The following SETD2 variants were observed in gnomAD, a reference collection of about 807,000 sequenced individuals.
SETD2 encodes the protein SET domain containing 2, histone lysine methyltransferase.
Under a neutral mutation model 242.1 loss-of-function variants are expected in SETD2, and 31 were observed. The observed-to-expected ratio is 0.13, with a 90% CI of 0.10 to 0.17. SETD2 has a LOEUF of 0.17. Among genes scored for constraint, SETD2 ranks in the 10% least tolerant of loss-of-function variants. The probability of loss-of-function intolerance (pLI) is 1.00; values close to 1 mark genes in which losing one functional copy is unlikely to be tolerated. For missense variants in SETD2, 2,481 were observed against 3,046.3 expected, an observed-to-expected ratio of 0.81 and a Z score of 4.37; for synonymous variants, 1,006 against 1,066.5, an observed-to-expected ratio of 0.94 and a Z score of 1.11.
chr3:47,101,395 C>T (rs2107682313), intron 8 of SETD2, 63 bp downstream of exon 8: 1 of 829,228 alleles, frequency 1.2e-6, no homozygotes, highest in Non-Finnish European at 2.0e-6. Context: ...AGTTTTATAT[C>T]CTTATATCTG....
chr3:47,111,142 A>G (rs943134005), intron 5 of SETD2, among the ~76,000 whole-genome samples: 2 of 150,750 alleles, frequency 1.3e-5, no homozygotes, highest in African/African-American at 2.4e-5. Context: ...CTAGGGCAGA[A>G]TGAAAGAAGG....
intron 16 of SETD2, among the ~76,000 whole-genome samples, chr3:47,044,470 T>C (rs2039431755): frequency 2.7e-5 from 4 of 149,860 alleles, no homozygotes; most frequent in Non-Finnish European, 4.4e-5. Context: ...ATTTCACATA[T>C]AGTATTTTTA....
intron 15 of SETD2, among the ~76,000 whole-genome samples, chr3:47,049,301 CTAAATATA>C (rs1559663710): frequency 1.5e-5 from 1 of 64,966 alleles, no homozygotes; most frequent in Non-Finnish European, 3.0e-5. Context: ...AATAAGTTTT[CTAAATATA>C]TATATATATA....
chr3:47,136,097 T>C (rs1198234822), intron 1 of SETD2, among the ~76,000 whole-genome samples: 4 of 152,168 alleles, frequency 2.6e-5, no homozygotes, highest in Non-Finnish European at 5.9e-5. Context: ...AAAATTGAAC[T>C]GATGACGATT....
At chr3:47,151,473 A>C (rs1010341479) in intron 1 of SETD2, among the ~76,000 whole-genome samples, 8 of 152,218 alleles carry the variant, frequency 5.3e-5, no homozygotes, top group Non-Finnish European at 1.0e-4. Context: ...ACTGGAAAAA[A>C]AGTCCTATCA....
chr3:47,152,409 C>G (rs1415911770), intron 1 of SETD2, among the ~76,000 whole-genome samples: 1 of 152,200 alleles, frequency 6.6e-6, no homozygotes, highest in Non-Finnish European at 1.5e-5. Context: ...TCAACCAGGT[C>G]TGTGTGTGCT....
intron 1 of SETD2, among the ~76,000 whole-genome samples, chr3:47,140,276 A>T (rs1176743956): frequency 6.6e-6 from 1 of 152,174 alleles, no homozygotes; most frequent in Non-Finnish European, 1.5e-5. Flanking sequence ...ATACCTACCT[A>T]AAGTGAATGA....
At chr3:47,101,685 T>C (rs1187770446) in intron 7 of SETD2, 130 bp from the exon 8 acceptor site, 5 of 531,806 alleles carry the variant, frequency 9.4e-6, no homozygotes, top group East Asian at 3.0e-5. Flanking sequence ...AGTGGGTCTT[T>C]AGGCAATGAA....
chr3:47,032,644 G>GCT (rs1286759862), intron 18 of SETD2, among the ~76,000 whole-genome samples: 1 of 152,112 alleles, frequency 6.6e-6, no homozygotes, highest in Non-Finnish European at 1.5e-5. Flanking sequence ...GGGCACGGTG[G>GCT]CTCACACCTA....
At chr3:47,155,518 A>T (rs1417952536) in intron 1 of SETD2, among the ~76,000 whole-genome samples, 1 of 152,214 alleles carries the variant, frequency 6.6e-6, no homozygotes, top group Non-Finnish European at 1.5e-5. Flanking sequence ...TTTTCAAAAT[A>T]AAAAGTGTTT....
chr3:47,153,758 G>GA (rs200188709), intron 1 of SETD2, among the ~76,000 whole-genome samples: 1,384 of 107,144 alleles, frequency 0.013, 11 homozygotes, highest in African/African-American at 0.039. Context: ...ATCCAAAAAA[G>GA]AAAAAAAAAA....
chr3:47,125,801 G>A (rs1400122306), intron 2 of SETD2, among the ~76,000 whole-genome samples: 1 of 152,202 alleles, frequency 6.6e-6, no homozygotes, highest in Non-Finnish European at 1.5e-5. Context: ...TGTACAAAGA[G>A]CATCAGAAAA....
intron 15 of SETD2, chr3:47,047,047 A>G (rs745541468): frequency 2.3e-4 from 35 of 153,516 alleles, no homozygotes; most frequent in Admixed American, 1.0e-3. Flanking sequence ...TTGTAATAAC[A>G]AACAGGTTGT....
rs777546161 is a variant in SETD2, at chr3:47,158,782, C to T, written c.71+5072G>A. Among the ~76,000 whole-genome samples, 38 of 152,238 alleles carry T rather than the reference C, an allele frequency of 2.5e-4. No homozygotes were observed. The Middle Eastern group carries it at 0.01, about 41-fold the overall frequency. Reference sequence around the variant, plus strand: ...CCCATGTTTGATCAAGAGTCACCTGCATATTTTATTATTAAAATATCTGAT... The same window carrying T: ...CCCATGTTTGATCAAGAGTCACCTGTATATTTTATTATTAAAATATCTGAT... On this transcript the variant is annotated intron_variant, in intron 1 of 20. Coordinates refer to ENST00000409792, the MANE Select transcript of SETD2 (RefSeq NM_014159.7).
In SETD2 at chr3:47,017,774, A is replaced by C. The variant is rs1363501818; in HGVS notation, c.7432-35T>G. ...GAGAAAAGAGAACACGTTGCTCAAC[A>C]GTCCAGAGAGGGCAAGGAGTTGTAC... On this transcript the variant is annotated intron_variant, in intron 19 of 20. Coordinates refer to ENST00000409792, the MANE Select transcript of SETD2 (RefSeq NM_014159.7). The surrounding 1 kb of genome is among the most constrained non-coding windows in gnomAD (Gnocchi z 4.8). 6.9e-7 allele frequency: 1 copy of C among 1,442,586 alleles called. No individual in the cohort carries two copies. The highest frequency in any genetic ancestry group is 9.8e-7 in the Non-Finnish European group (1 of 1,023,644). 89.4% of individuals were successfully genotyped at this position (1,442,586 alleles called of 1,614,324 possible). A position where few individuals can be genotyped will look rare whatever the true frequency, so the allele number is the denominator to read the frequency against.
At chr3:47,073,058 G>A (rs1385582112) in intron 12 of SETD2, among the ~76,000 whole-genome samples, 4 of 151,884 alleles carry the variant, frequency 2.6e-5, no homozygotes, top group Non-Finnish European at 5.9e-5. Context: ...GTTGAGGCAG[G>A]TGGAGCTCTT....
At chr3:47,067,581 A>AT (rs896873796) in intron 12 of SETD2, among the ~76,000 whole-genome samples, 43 of 151,764 alleles carry the variant, frequency 2.8e-4, no homozygotes, top group African/African-American at 1.0e-3. Flanking sequence ...TGCCCCGCTA[A>AT]TTTTTTCTAT....
intron 15 of SETD2, among the ~76,000 whole-genome samples, chr3:47,053,340 G>A (rs2039929994): frequency 6.6e-6 from 1 of 152,102 alleles, no homozygotes; most frequent in South Asian, 2.1e-4. Flanking sequence ...TACTATGTCA[G>A]TGCAAAAGTA....
rs1305535313 is a variant in SETD2, at chr3:47,041,636, TACACACACACACACACAGAG to T, written c.7238+905_7238+924del. 4.6e-5 allele frequency among the ~76,000 whole-genome samples: 7 copies of T among 151,130 alleles called. 1 individual carries two copies. The highest frequency in any genetic ancestry group is 2.1e-4 in the South Asian group (1 of 4,794). On this transcript the variant is annotated intron_variant, in intron 17 of 20. Coordinates refer to ENST00000409792, the MANE Select transcript of SETD2 (RefSeq NM_014159.7). ...AAGATTATATAGATGGGTGTATATATACACACACACACACACAGAGACACACACACACAAAGTACATATAC... is the reference window on the plus strand; with the variant it reads ...AAGATTATATAGATGGGTGTATATATACACACACACACAAAGTACATATAC...
Sources: gnomAD v4.1 joint callset for allele counts (sites outside exome capture counted in the v4.1 genomes callset) on GRCh38, gnomAD v4.1.1 for gene constraint, Gnocchi (gnomAD v3.1) non-coding constraint, MANE v1.5 for transcripts, NCBI Gene and HGNC (gene_info 2026-07-23, HGNC 2026-07-21) for gene names.